DCDC1: variants seen among roughly 807,000 people sequenced by gnomAD.
DCDC1 encodes doublecortin domain containing 1.
Under a neutral mutation model 178.3 loss-of-function variants are expected in DCDC1, and 200 were observed. That is an observed-to-expected ratio of 1.12 (90% CI 1.00 to 1.26). DCDC1 has a LOEUF of 1.26. Among genes scored for constraint, DCDC1 ranks in the 50% most tolerant of loss-of-function variants. The pLI, the probability that DCDC1 is intolerant of heterozygous loss-of-function variation, is 0.00. For synonymous variants in DCDC1, 690 were observed against 604.8 expected, an observed-to-expected ratio of 1.14 and a Z score of -2.07; for missense variants, 1,983 against 1,749.2, an observed-to-expected ratio of 1.13 and a Z score of -2.38.
At chr11:31,094,830 C>T (rs1364281501) in intron 15 of DCDC1, among the ~76,000 whole-genome samples, 1 of 151,926 alleles carries the variant, frequency 6.6e-6, no homozygotes, top group African/African-American at 2.4e-5. Flanking sequence ...TTCTGGGGTA[C>T]ATGTGCAGAA....
At chr11:31,253,902 C>G (rs1944239003) in intron 8 of DCDC1, among the ~76,000 whole-genome samples, 1 of 152,164 alleles carries the variant, frequency 6.6e-6, no homozygotes, top group African/African-American at 2.4e-5. Context: ...TTAGCTGTGT[C>G]ACTTGCAATG....
At chr11:31,278,947 G>A (rs183266153) in intron 7 of DCDC1, among the ~76,000 whole-genome samples, 30 of 152,056 alleles carry the variant, frequency 2.0e-4, no homozygotes, top group East Asian at 5.8e-4. Flanking sequence ...GCATTTCCAC[G>A]TATATTTTAG....
chr11:31,324,551 G>A (rs1949547536), intron 3 of DCDC1, among the ~76,000 whole-genome samples: 1 of 152,050 alleles, frequency 6.6e-6, no homozygotes, highest in African/African-American at 2.4e-5. Flanking sequence ...AAAAAATTAT[G>A]AACTGGAGAA....
At chr11:31,331,887 G>A (rs902598606) in intron 2 of DCDC1, among the ~76,000 whole-genome samples, 1 of 152,122 alleles carries the variant, frequency 6.6e-6, no homozygotes, top group Admixed American at 6.6e-5. Flanking sequence ...GATGATGCTG[G>A]CCTCATAAAA....
In DCDC1 at chr11:31,058,490, G is replaced by T. The variant is rs1388423517; in HGVS notation, c.2591+5979C>A. Among the ~76,000 whole-genome samples, 6 of 152,048 alleles carry T rather than the reference G, an allele frequency of 3.9e-5. No homozygotes were observed. In the East Asian group the frequency reaches 1.2e-3, roughly 29 times the overall value. ...AATAAGTATCGTGAAGAAAAATAAA[G>T]CAGGGAAAGAGAATGATAGGGTATG... On this transcript the variant is annotated intron_variant, in intron 20 of 38. Coordinates refer to ENST00000684477, the MANE Select transcript of DCDC1 (RefSeq NM_001387274.1).
At chr11:31,251,931 G>A (rs901516649) in intron 8 of DCDC1, among the ~76,000 whole-genome samples, 4 of 152,142 alleles carry the variant, frequency 2.6e-5, no homozygotes, top group African/African-American at 9.7e-5. Flanking sequence ...TAAAGATAGA[G>A]AAGTTGGGAA....
rs548086658 is a variant in DCDC1 at position 31,303,594 on chromosome 11, A to G, written c.754+2021T>C. Among the ~76,000 whole-genome samples the G allele has an allele frequency of 8.9e-4, 136 of 152,174 alleles. 2 individuals are homozygous for G. In the South Asian group the frequency reaches 0.011, roughly 12 times the overall value. On this transcript the variant is annotated intron_variant, in intron 6 of 38. Coordinates refer to ENST00000684477, the MANE Select transcript of DCDC1 (RefSeq NM_001387274.1). ...ATATGTGAGTGATATGTAATATATC[A>G]CTCACATCAAGTTAAATATTATCTT...
intron 22 of DCDC1, among the ~76,000 whole-genome samples, chr11:30,928,152 C>A (rs952422498): frequency 6.6e-6 from 1 of 152,072 alleles, no homozygotes; most frequent in East Asian, 1.9e-4. Flanking sequence ...TTAGTTATTT[C>A]AGAGCTGATT....
Position 30,911,320 on chromosome 11 carries a change from A to C in DCDC1, c.3747+7T>G. On this transcript the variant is annotated splice_region_variant and intron_variant, in intron 28 of 38. Coordinates refer to ENST00000684477, the MANE Select transcript of DCDC1 (RefSeq NM_001387274.1). ...CCATGACTAATCTTTAGCCATACAT[A>C]TCTTACCTGAACAATAACTGGATAG... 1 of 1,594,560 alleles carries C rather than the reference A, an allele frequency of 6.3e-7. No individual in the cohort carries two copies. The highest frequency in any genetic ancestry group is 8.6e-7 in the Non-Finnish European group (1 of 1,169,534).
intron 1 of DCDC1, among the ~76,000 whole-genome samples, chr11:31,369,371 C>T (rs946541061): frequency 6.6e-6 from 1 of 152,162 alleles, no homozygotes; most frequent in Non-Finnish European, 1.5e-5. Context: ...TCTAGCCCTA[C>T]CTGGCATAGG....
At chr11:31,326,801 A>T (rs1242478240) in intron 3 of DCDC1, among the ~76,000 whole-genome samples, 2 of 152,232 alleles carry the variant, frequency 1.3e-5, no homozygotes, top group African/African-American at 2.4e-5. Flanking sequence ...TTCCATAAGA[A>T]GATTAACATA....
intron 8 of DCDC1, among the ~76,000 whole-genome samples, chr11:31,244,231 A>AT (rs924176040): frequency 6.6e-6 from 1 of 151,664 alleles, no homozygotes; most frequent in Non-Finnish European, 1.5e-5. Context: ...TGAATAATTG[A>AT]TTTTTTAAAA....
intron 14 of DCDC1, among the ~76,000 whole-genome samples, chr11:31,102,758 A>C (rs117222434): frequency 5.1e-4 from 77 of 152,310 alleles, no homozygotes; most frequent in Non-Finnish European, 9.0e-4. Flanking sequence ...ACTTGAACAA[A>C]ATTTAAAATT....
intron 9 of DCDC1, among the ~76,000 whole-genome samples, chr11:31,204,989 C>T (rs2136465547): frequency 6.6e-6 from 1 of 152,294 alleles, no homozygotes; most frequent in Non-Finnish European, 1.5e-5. Flanking sequence ...TGACAATACT[C>T]TCAGTAGGCT....
intron 9 of DCDC1, among the ~76,000 whole-genome samples, chr11:31,228,617 C>T (rs1028497329): frequency 6.6e-6 from 1 of 151,756 alleles, no homozygotes; most frequent in Non-Finnish European, 1.5e-5. Context: ...AGATGAAAAG[C>T]CATTTCTTGG....
intron 18 of DCDC1, among the ~76,000 whole-genome samples, chr11:31,067,139 T>C (rs531138903): frequency 6.6e-6 from 1 of 152,144 alleles, no homozygotes; most frequent in East Asian, 1.9e-4. Flanking sequence ...AACAATGCCA[T>C]GAAGAAAGTA....
At chr11:31,001,364 AT>A (rs542657173) in intron 20 of DCDC1, among the ~76,000 whole-genome samples, 31 of 152,300 alleles carry the variant, frequency 2.0e-4, no homozygotes, top group Admixed American at 4.6e-4. Flanking sequence ...CAAAAAAAAA[AT>A]AATATGTCCT....
chr11:31,272,951 C>T (rs1488378272), intron 7 of DCDC1, among the ~76,000 whole-genome samples: 4 of 152,312 alleles, frequency 2.6e-5, no homozygotes, highest in South Asian at 4.1e-4. Context: ...TTGGGGCTTG[C>T]ACCCTCTGAA....
intron 7 of DCDC1, among the ~76,000 whole-genome samples, chr11:31,272,873 C>G (rs903186129): frequency 1.4e-4 from 21 of 152,328 alleles, no homozygotes; most frequent in African/African-American, 5.1e-4. Context: ...TGGTGGTCCT[C>G]TTCTTACAGG....
Sources: allele counts gnomAD v4.1 joint callset (sites outside exome capture counted in the v4.1 genomes callset), GRCh38; gene constraint gnomAD v4.1.1; transcripts MANE v1.5; gene names NCBI Gene and HGNC (gene_info 2026-07-23, HGNC 2026-07-21).